ANTXR1: variants seen among roughly 807,000 people sequenced by gnomAD.
ANTXR1 encodes ANTXR cell adhesion molecule 1.
A neutral mutation model predicts 78.1 loss-of-function variants in ANTXR1; 19 were observed. The observed-to-expected ratio is 0.24, with a 90% confidence interval of 0.17 to 0.36. The LOEUF (loss-of-function observed/expected upper bound fraction) is 0.36, where lower values mean the gene tolerates loss of function less well. Among genes scored for constraint, ANTXR1 ranks in the 10% least tolerant of loss-of-function variants. The pLI is 1.00. For missense variants in ANTXR1, 518 were observed against 718.6 expected (o/e 0.72, Z 3.19); for synonymous variants, 273 against 260.5 (o/e 1.05, Z -0.46).
chr2:69,160,237 A>G (rs2104440126), intron 13 of ANTXR1, among the ~76,000 whole-genome samples: 1 of 151,438 alleles, frequency 6.6e-6, no homozygotes, highest in East Asian at 1.9e-4. Context: ...TCACACACCC[A>G]TTTTTTTCTC....
chr2:69,045,175 T>C (rs1438994343), intron 3 of ANTXR1, among the ~76,000 whole-genome samples: 1 of 152,180 alleles, frequency 6.6e-6, no homozygotes, highest in African/African-American at 2.4e-5. Context: ...GATTAAGGTT[T>C]CAGATACAAG....
At chr2:69,225,296 C>T (rs768817495) in intron 17 of ANTXR1, among the ~76,000 whole-genome samples, 9 of 152,062 alleles carry the variant, frequency 5.9e-5, no homozygotes, top group Non-Finnish European at 1.0e-4. Context: ...CCATGAGATG[C>T]CCACAGGGGA....
At chr2:69,153,480 C>G (rs1489728750) in intron 13 of ANTXR1, among the ~76,000 whole-genome samples, 1 of 152,156 alleles carries the variant, frequency 6.6e-6, no homozygotes, top group East Asian at 1.9e-4. Flanking sequence ...AGGAGAGACC[C>G]AGGACAGGCA....
chr2:69,145,669 T>C lies in ANTXR1; in HGVS notation c.952-6500T>C, dbSNP rs1432433993. ...TCCTGGTGCAGACCCAACTTTGAGGTGGAGGATTTCACAGTTTCTTTATTT... is the reference window on the plus strand; with the variant it reads ...TCCTGGTGCAGACCCAACTTTGAGGCGGAGGATTTCACAGTTTCTTTATTT... On this transcript the variant is annotated intron_variant, in intron 12 of 17. Transcript: ENST00000303714. 5 of 1,171,854 alleles carry C rather than the reference T, an allele frequency of 4.3e-6. No individual in the cohort carries two copies. In the African/African-American group the frequency reaches 6.3e-5, roughly 15 times the overall value. 72.6% of individuals were successfully genotyped at this position (1,171,854 alleles called of 1,614,324 possible).
chr2:69,200,034 G>A (rs1237967391), intron 17 of ANTXR1, among the ~76,000 whole-genome samples: 5 of 152,102 alleles, frequency 3.3e-5, no homozygotes, highest in Non-Finnish European at 4.4e-5. Flanking sequence ...GTCTTTTCTG[G>A]ATGGAATTCA....
chr2:69,145,028 A>G (rs541909401), intron 12 of ANTXR1, among the ~76,000 whole-genome samples: 2 of 152,362 alleles, frequency 1.3e-5, no homozygotes, highest in East Asian at 3.9e-4. Flanking sequence ...AAATGAGGCC[A>G]AAAAATGATA....
intron 8 of ANTXR1, among the ~76,000 whole-genome samples, chr2:69,087,446 A>G (rs1047663443): frequency 2.0e-5 from 3 of 152,156 alleles, no homozygotes; most frequent in African/African-American, 7.2e-5. Context: ...CAGCTATTTG[A>G]TTCCAGATTC....
chr2:69,203,639 CCT>C (rs775110795), intron 17 of ANTXR1, among the ~76,000 whole-genome samples: 4 of 151,936 alleles, frequency 2.6e-5, no homozygotes, highest in Admixed American at 1.3e-4. Context: ...TCTTCCTCTC[CCT>C]CTCTCTTTCC....
intron 3 of ANTXR1, among the ~76,000 whole-genome samples, chr2:69,052,241 T>C (rs759052712): frequency 2.6e-5 from 4 of 152,068 alleles, no homozygotes; most frequent in Non-Finnish European, 5.9e-5. Context: ...TTTCCAGTAC[T>C]TAAGTTTTAA....
chr2:69,033,533 G>C (rs1671590760), intron 1 of ANTXR1, among the ~76,000 whole-genome samples: 1 of 152,154 alleles, frequency 6.6e-6, no homozygotes, highest in Non-Finnish European at 1.5e-5. Flanking sequence ...GCTGGGGAGG[G>C]AGCACAACAG....
chr2:69,036,284 A>G (rs924704450), intron 1 of ANTXR1, among the ~76,000 whole-genome samples: 3 of 152,176 alleles, frequency 2.0e-5, no homozygotes, highest in Non-Finnish European at 4.4e-5. Context: ...AGATGTTTTG[A>G]TACAGGCATG....
chr2:69,151,470 G>C (rs1196097136), intron 12 of ANTXR1, among the ~76,000 whole-genome samples: 2 of 152,088 alleles, frequency 1.3e-5, no homozygotes, highest in African/African-American at 2.4e-5. Context: ...GTCTCTGTTT[G>C]CTAAAAGTTA....
At chr2:69,057,148 A>G (rs1297628337) in intron 3 of ANTXR1, among the ~76,000 whole-genome samples, 4 of 152,178 alleles carry the variant, frequency 2.6e-5, no homozygotes, top group African/African-American at 9.7e-5. Context: ...GTAATAACAT[A>G]CCACCTGTAC....
At chr2:69,080,017 C>T (rs1338164802) in intron 8 of ANTXR1, among the ~76,000 whole-genome samples, 1 of 152,184 alleles carries the variant, frequency 6.6e-6, no homozygotes, top group Non-Finnish European at 1.5e-5. Flanking sequence ...GAAATTTTAG[C>T]GAAACTATCG....
At chr2:69,168,667 C>T (rs545538356) in intron 13 of ANTXR1, among the ~76,000 whole-genome samples, 10 of 152,274 alleles carry the variant, frequency 6.6e-5, no homozygotes, top group Non-Finnish European at 1.3e-4. Flanking sequence ...CTCCAGTTTC[C>T]AGACATTTCC....
intron 12 of ANTXR1, among the ~76,000 whole-genome samples, chr2:69,130,112 T>C (rs959673691): frequency 2.0e-5 from 3 of 151,988 alleles, no homozygotes; most frequent in African/African-American, 2.4e-5. Flanking sequence ...CTTTGTAGGA[T>C]GTACGCTCTA....
chr2:69,230,301 A>T (rs1308980981), intron 17 of ANTXR1, among the ~76,000 whole-genome samples: 1 of 151,570 alleles, frequency 6.6e-6, no homozygotes, highest in Non-Finnish European at 1.5e-5. Context: ...TCCTTATGTC[A>T]TCTAGTATAT....
intron 12 of ANTXR1, among the ~76,000 whole-genome samples, chr2:69,130,789 CT>C (rs999753554): frequency 2.0e-5 from 3 of 152,182 alleles, no homozygotes; most frequent in African/African-American, 4.8e-5. Context: ...CTATCTCCCC[CT>C]GATTAAGAAG....
At chr2:69,042,763 C>T (rs747383429) in intron 2 of ANTXR1, among the ~76,000 whole-genome samples, 29 of 152,162 alleles carry the variant, frequency 1.9e-4, no homozygotes, top group Non-Finnish European at 2.6e-4. Context: ...TGCTTGCTCG[C>T]CAAGGTCTCA....
Sources: gnomAD v4.1 joint callset for allele counts (sites outside exome capture counted in the v4.1 genomes callset) on GRCh38, gnomAD v4.1.1 for gene constraint, MANE v1.5 for transcripts, NCBI Gene and HGNC (gene_info 2026-07-23, HGNC 2026-07-21) for gene names.